Variants in TNKS2 observed in about 807,000 individuals in gnomAD.
TNKS2 encodes poly [ADP-ribose] polymerase tankyrase-2.
TNKS2 carries 72 observed loss-of-function variants against 137.6 expected under a neutral mutation model. The observed-to-expected ratio is 0.52, with a 90% confidence interval of 0.43 to 0.64. TNKS2 has a LOEUF of 0.64. TNKS2 is among the 30% of genes least tolerant of loss of function. The pLI is 0.00. For missense variants in TNKS2, 1,049 were observed against 1,410.2 expected (o/e 0.74, Z 4.10); for synonymous variants, 516 against 512.1 (o/e 1.01, Z -0.10).
chr10:91,807,767 A>G (rs1844373770), intron 1 of TNKS2, among the ~76,000 whole-genome samples: 2 of 152,010 alleles, frequency 1.3e-5, no homozygotes, highest in Non-Finnish European at 1.5e-5. Flanking sequence ...GGCCGAGGCG[A>G]GCGGCTCACG....
chr10:91,839,272 A>T (rs1842134990), intron 13 of TNKS2, among the ~76,000 whole-genome samples: 1 of 152,118 alleles, frequency 6.6e-6, no homozygotes, highest in South Asian at 2.1e-4. Context: ...CCTCCTCTGA[A>T]CCAAAGAGCA....
intron 1 of TNKS2, chr10:91,807,463 A>G (rs1844361469): frequency 1.9e-6 from 3 of 1,605,784 alleles, no homozygotes; most frequent in Non-Finnish European, 2.6e-6. Context: ...GGAAAAGTAA[A>G]GAGAAGCAAG....
chr10:91,815,948 C>CTTTTTTTT (rs10691725), intron 2 of TNKS2, among the ~76,000 whole-genome samples: 1 of 125,160 alleles, frequency 8.0e-6, no homozygotes, highest in African/African-American at 3.1e-5. Context: ...AAGACTTTCT[C>CTTTTTTTT]TTTTTTTTTT....
intron 17 of TNKS2, 42 bp downstream of exon 17, chr10:91,845,070 A>G (rs1471786737): frequency 7.5e-7 from 1 of 1,325,978 alleles, no homozygotes; most frequent in Admixed American, 1.8e-5. Flanking sequence ...GTGGAATTTT[A>G]AAGTGAAAGT....
intron 1 of TNKS2, chr10:91,807,572 C>A (rs187094900): frequency 2.5e-6 from 2 of 810,570 alleles, no homozygotes; most frequent in Admixed American, 4.2e-5. Context: ...TCTCAGACTC[C>A]TTTTCATATA....
chr10:91,812,483 A>G (rs1844540635), intron 1 of TNKS2, among the ~76,000 whole-genome samples: 2 of 152,204 alleles, frequency 1.3e-5, no homozygotes, highest in South Asian at 2.1e-4. Context: ...GACAAATATT[A>G]GCTGTGAGCA....
intron 1 of TNKS2, among the ~76,000 whole-genome samples, chr10:91,811,213 T>C (rs1383502464): frequency 2.0e-5 from 3 of 152,022 alleles, no homozygotes; most frequent in Non-Finnish European, 4.4e-5. Flanking sequence ...CGTGAGCCAC[T>C]GCGCCCAGCC....
intron 16 of TNKS2, among the ~76,000 whole-genome samples, chr10:91,843,985 T>G (rs1271520977): frequency 6.6e-6 from 1 of 152,222 alleles, no homozygotes; most frequent in Non-Finnish European, 1.5e-5. Context: ...GCTAACATGG[T>G]GAGAAAAAGC....
At chr10:91,813,328 A>G (rs1470830483) in intron 2 of TNKS2, 121 bp downstream of exon 2, 4 of 904,766 alleles carry the variant, frequency 4.4e-6, no homozygotes, top group Admixed American at 2.6e-5. Flanking sequence ...AGAACATCCC[A>G]TGATTTAATC....
intron 9 of TNKS2, among the ~76,000 whole-genome samples, chr10:91,828,905 G>A (rs1441855516): frequency 6.6e-6 from 1 of 152,108 alleles, no homozygotes; most frequent in Admixed American, 6.6e-5. Flanking sequence ...TGACAAAGTA[G>A]ATGTGAGTAG....
chr10:91,847,683 A>G (rs1381710879), intron 18 of TNKS2, among the ~76,000 whole-genome samples: 2 of 152,232 alleles, frequency 1.3e-5, no homozygotes, highest in Non-Finnish European at 2.9e-5. Flanking sequence ...TAAAATGATT[A>G]TCTTTTCTAC....
chr10:91,823,884 A>G (rs1318972910), intron 7 of TNKS2, among the ~76,000 whole-genome samples: 1 of 152,170 alleles, frequency 6.6e-6, no homozygotes, highest in Non-Finnish European at 1.5e-5. Context: ...TATAATAATA[A>G]TTAGATACTC....
chr10:91,840,555 C>T lies in TNKS2; in HGVS notation c.1528-6C>T. The T allele has an allele frequency of 6.2e-7, 1 of 1,610,048 alleles. No individual in the cohort carries two copies. Among genetic ancestry groups the T allele is most frequent in the Non-Finnish European group, 8.5e-7 (1 of 1,178,548 alleles). ...AGTATCATGTATGTTGTGTTTTGTC[C>T]TTCAGAAACTGTGTACTGTTCAGAG... On this transcript the variant is annotated splice_region_variant and splice_polypyrimidine_tract_variant and intron_variant, in intron 13 of 26. Transcript: ENST00000371627.
Position 91,798,738 on chromosome 10 carries a change from C to A in TNKS2, c.48C>A (p.Ala16=). Residue 16 remains alanine (A), a synonymous_variant, in exon 1 of 27, where the codon GCC becomes GCA. Coordinates refer to ENST00000371627, the MANE Select transcript of TNKS2 (RefSeq NM_025235.4). ...GCGGGGGAGCGGCCTGCGCGAGCGC[C>A]GCGGCCGAGGCCGTGGAGCCGGCCG... is the stretch of plus-strand genomic sequence containing the variant. ...CAGGGAACAS[A]AAEAVEPAAR... The A allele has an allele frequency of 8.0e-7, 1 of 1,245,964 alleles. No individual in the cohort carries two copies. Among genetic ancestry groups the A allele is most frequent in the Non-Finnish European group, 1.0e-6 (1 of 990,414 alleles). 77.2% of individuals were successfully genotyped at this position (1,245,964 alleles called of 1,614,324 possible).
intron 11 of TNKS2, among the ~76,000 whole-genome samples, chr10:91,832,196 G>C (rs1232304743): frequency 6.6e-6 from 1 of 152,038 alleles, no homozygotes; most frequent in Non-Finnish European, 1.5e-5. Context: ...ATTTCTGCTT[G>C]ACTGCTTGGC....
intron 1 of TNKS2, among the ~76,000 whole-genome samples, chr10:91,808,923 T>C (rs10881971): frequency 0.33 from 49,524 of 151,972 alleles, 8,589 homozygotes; most frequent in South Asian, 0.53. Context: ...CCTATTTTCA[T>C]CTGCAGCCTT....
intron 20 of TNKS2, 132 bp from the exon 21 acceptor site, chr10:91,851,084 G>A (rs1045298152): frequency 6.5e-6 from 8 of 1,230,848 alleles, no homozygotes; most frequent in African/African-American, 1.6e-5. Context: ...ATGCTAAATG[G>A]AAATAATATT....
At chr10:91,828,535 AT>A in intron 9 of TNKS2, 129 bp downstream of exon 9, 1 of 1,032,962 alleles carries the variant, frequency 9.7e-7, no homozygotes, top group Non-Finnish European at 1.3e-6. Flanking sequence ...CTATGCAAAT[AT>A]TTTTTAAAAA....
intron 1 of TNKS2, among the ~76,000 whole-genome samples, chr10:91,804,916 A>T (rs1844277176): frequency 6.6e-6 from 1 of 152,072 alleles, no homozygotes; most frequent in Non-Finnish European, 1.5e-5. Context: ...GGTATGTACC[A>T]CCACGCCTGG....
Sources: allele counts gnomAD v4.1 joint callset (sites outside exome capture counted in the v4.1 genomes callset), GRCh38; gene constraint gnomAD v4.1.1; transcripts MANE v1.5; gene names NCBI Gene and HGNC (gene_info 2026-07-23, HGNC 2026-07-21).